The following LRMDA variants were observed in gnomAD, a reference collection of about 807,000 sequenced individuals.
The protein encoded by LRMDA is leucine rich melanocyte differentiation associated.
LRMDA carries 18 observed loss-of-function variants against 29.8 expected under a neutral mutation model. That is an observed-to-expected ratio of 0.60 (90% CI 0.42 to 0.90). LRMDA has a LOEUF of 0.90. LRMDA is among the 40% of genes least tolerant of loss of function. The pLI, the probability that LRMDA is intolerant of heterozygous loss-of-function variation, is 0.00. For synonymous variants in LRMDA, 125 were observed against 109.4 expected, an observed-to-expected ratio of 1.14 and a Z score of -0.89; for missense variants, 273 against 273.9, an observed-to-expected ratio of 1.00 and a Z score of 0.02.
At chr10:76,353,431 C>T (rs1841202622) in intron 6 of LRMDA, among the ~76,000 whole-genome samples, 1 of 151,958 alleles carries the variant, frequency 6.6e-6, no homozygotes, top group African/African-American at 2.4e-5. Context: ...AAGGTTGACA[C>T]ATGCATGCAG....
intron 5 of LRMDA, among the ~76,000 whole-genome samples, chr10:76,070,841 C>T (rs1404484856): frequency 1.3e-5 from 2 of 152,216 alleles, no homozygotes; most frequent in Admixed American, 6.5e-5. Context: ...TCCTCAGCCA[C>T]CGCACGAGAC....
At position 76,240,632 on chromosome 10, in the gene LRMDA, A is replaced by G. The variant is rs145398549; in HGVS notation, c.517-83769A>G. 2.1e-4 allele frequency among the ~76,000 whole-genome samples: 31 copies of G among 150,862 alleles called. No homozygotes were observed. In the East Asian group the frequency reaches 5.8e-3, roughly 28 times the overall value. On this transcript the variant is annotated intron_variant, in intron 5 of 6. Transcript: ENST00000611255. ...CCAGCAATCCCACTCCTGGGTATCTACCCAGAGGAAAATAACTCATTATAT... is the reference window on the plus strand; with the variant it reads ...CCAGCAATCCCACTCCTGGGTATCTGCCCAGAGGAAAATAACTCATTATAT...
At chr10:76,238,542 A>C (rs1004475175) in intron 5 of LRMDA, among the ~76,000 whole-genome samples, 2 of 149,416 alleles carry the variant, frequency 1.3e-5, no homozygotes, top group Non-Finnish European at 3.0e-5. Flanking sequence ...TGTTATTTAC[A>C]GGGCATGTCC....
At chr10:75,484,124 T>C (rs2132055455) in intron 2 of LRMDA, among the ~76,000 whole-genome samples, 1 of 152,120 alleles carries the variant, frequency 6.6e-6, no homozygotes, top group African/African-American at 2.4e-5. Flanking sequence ...CCTGGCTAAT[T>C]TTTGTATTTT....
At chr10:75,618,212 C>T (rs149662963) in intron 2 of LRMDA, among the ~76,000 whole-genome samples, 2 of 149,010 alleles carry the variant, frequency 1.3e-5, no homozygotes, top group East Asian at 4.0e-4. Flanking sequence ...TAATTACAGA[C>T]TTATGAAGAT....
At chr10:75,813,106 C>T (rs1276606715) in intron 2 of LRMDA, among the ~76,000 whole-genome samples, 1 of 152,118 alleles carries the variant, frequency 6.6e-6, no homozygotes, top group Non-Finnish European at 1.5e-5. Context: ...AGGGATCACT[C>T]ACGGGCAATG....
chr10:75,839,693 C>T (rs777564866), intron 2 of LRMDA, among the ~76,000 whole-genome samples: 91 of 147,520 alleles, frequency 6.2e-4, no homozygotes, highest in Admixed American at 1.5e-3. Context: ...AGGATGCATC[C>T]GACTTTCTTT....
chr10:76,327,508 C>T (rs1054458636), intron 6 of LRMDA, among the ~76,000 whole-genome samples: 1 of 152,216 alleles, frequency 6.6e-6, no homozygotes, highest in African/African-American at 2.4e-5. Context: ...CCAGTGTTCC[C>T]TGTTCAGGGA....
At chr10:76,020,874 C>T (rs531956942) in intron 2 of LRMDA, among the ~76,000 whole-genome samples, 123 of 152,354 alleles carry the variant, frequency 8.1e-4, no homozygotes, top group Middle Eastern at 3.4e-3. Flanking sequence ...CCATGCCTTC[C>T]TATGAGTGTC....
At chr10:76,276,848 G>T (rs1281113989) in intron 5 of LRMDA, among the ~76,000 whole-genome samples, 1 of 152,080 alleles carries the variant, frequency 6.6e-6, no homozygotes, top group Admixed American at 6.5e-5. Context: ...CCTTTCGTGG[G>T]TTCCAATCTT....
At chr10:75,621,211 CACACACACACACA>C (rs1841179040) in intron 2 of LRMDA, among the ~76,000 whole-genome samples, 1 of 123,400 alleles carries the variant, frequency 8.1e-6, no homozygotes, top group Non-Finnish European at 1.8e-5. Context: ...CACACACACA[CACACACACACACA>C]CCCACACACC....
intron 6 of LRMDA, among the ~76,000 whole-genome samples, chr10:76,381,971 A>G (rs1841598274): frequency 6.6e-6 from 1 of 152,246 alleles, no homozygotes. Context: ...AACACATGAC[A>G]TGGAAGTAGG....
At chr10:75,515,896 G>A (rs558961886) in intron 2 of LRMDA, among the ~76,000 whole-genome samples, 9 of 151,674 alleles carry the variant, frequency 5.9e-5, no homozygotes, top group Middle Eastern at 3.4e-3. Flanking sequence ...GATGTTCCTC[G>A]CCCTGTGTCC....
intron 2 of LRMDA, among the ~76,000 whole-genome samples, chr10:75,631,696 G>A (rs1405917843): frequency 3.9e-5 from 6 of 152,236 alleles, no homozygotes; most frequent in South Asian, 2.1e-4. Context: ...GGCCATCAGC[G>A]CCACAGTGAA....
chr10:75,798,828 A>G (rs1232490349), intron 2 of LRMDA, among the ~76,000 whole-genome samples: 2 of 152,138 alleles, frequency 1.3e-5, no homozygotes, highest in Non-Finnish European at 2.9e-5. Flanking sequence ...TCTGATCACT[A>G]TATACATTAC....
At chr10:76,431,445 A>C (rs1031699513) in intron 6 of LRMDA, among the ~76,000 whole-genome samples, 2 of 152,186 alleles carry the variant, frequency 1.3e-5, no homozygotes, top group Non-Finnish European at 2.9e-5. Flanking sequence ...AGACTGCATA[A>C]GTTCAAATCA....
intron 6 of LRMDA, among the ~76,000 whole-genome samples, chr10:76,494,284 A>C (rs543986844): frequency 3.4e-4 from 52 of 151,374 alleles, no homozygotes; most frequent in African/African-American, 1.1e-3. Context: ...TTTAACTAAA[A>C]ATTTAGTTTT....
intron 2 of LRMDA, among the ~76,000 whole-genome samples, chr10:75,593,121 G>A (rs1840744421): frequency 6.6e-6 from 1 of 152,258 alleles, no homozygotes; most frequent in South Asian, 2.1e-4. Context: ...TGGGGGCAGC[G>A]ATGTTAATAA....
intron 5 of LRMDA, among the ~76,000 whole-genome samples, chr10:76,059,187 G>A (rs1848665279): frequency 6.6e-6 from 1 of 152,174 alleles, no homozygotes; most frequent in African/African-American, 2.4e-5. Context: ...AGGGAAGCTA[G>A]GGAAGAGTGA....
Sources: gnomAD v4.1 joint callset for allele counts (sites outside exome capture counted in the v4.1 genomes callset) on GRCh38, gnomAD v4.1.1 for gene constraint, MANE v1.5 for transcripts, NCBI Gene and HGNC (gene_info 2026-07-23, HGNC 2026-07-21) for gene names.